ALK: variants seen among roughly 807,000 people sequenced by gnomAD.
The protein encoded by ALK is ALK tyrosine kinase receptor.
ALK carries 74 observed loss-of-function variants against 163.1 expected under a neutral mutation model. That is an observed-to-expected ratio of 0.45 (90% confidence interval 0.38 to 0.55). The LOEUF is 0.55. Ranked by LOEUF, ALK falls within the 20% of genes least tolerant of loss-of-function variation. The pLI is 0.00. For missense variants in ALK, 2,063 were observed against 2,105.3 expected (o/e 0.98, Z 0.39); for synonymous variants, 960 against 843.2 (o/e 1.14, Z -2.40).
intron 1 of ALK, among the ~76,000 whole-genome samples, chr2:29,914,395 C>G (rs946512338): frequency 2.0e-5 from 3 of 152,202 alleles, no homozygotes. Flanking sequence ...GAGATTACAA[C>G]TCCAGATGGC....
chr2:29,634,692 C>T (rs1385867867), intron 3 of ALK, among the ~76,000 whole-genome samples: 1 of 152,150 alleles, frequency 6.6e-6, no homozygotes, highest in East Asian at 1.9e-4. Flanking sequence ...AGACTGACTA[C>T]TTTCCTTCTG....
At chr2:29,489,137 C>T (rs530465027) in intron 4 of ALK, among the ~76,000 whole-genome samples, 98 of 152,270 alleles carry the variant, frequency 6.4e-4, no homozygotes, top group African/African-American at 1.9e-3. Context: ...TATATGTTTA[C>T]GTCTCATATT....
At chr2:29,818,773 T>C (rs1664966049) in intron 1 of ALK, among the ~76,000 whole-genome samples, 1 of 152,240 alleles carries the variant, frequency 6.6e-6, no homozygotes, top group African/African-American at 2.4e-5. Context: ...TGGGTGGGGC[T>C]GCAGAGATAT....
At chr2:29,262,617 C>A (rs941781586) in intron 11 of ALK, among the ~76,000 whole-genome samples, 2 of 152,246 alleles carry the variant, frequency 1.3e-5, no homozygotes, top group African/African-American at 4.8e-5. Context: ...TTTCTCTAGA[C>A]AGGCAGAGTG....
In ALK at chr2:29,527,305, C is replaced by T. The variant is rs749593649; in HGVS notation, c.1154+4610G>A. Among the ~76,000 whole-genome samples, 50 of 152,320 alleles carry T rather than the reference C, an allele frequency of 3.3e-4. 1 individual carries two copies. The Middle Eastern group carries it at 0.017, about 52-fold the overall frequency. On this transcript the variant is annotated intron_variant, in intron 4 of 28. Transcript: ENST00000389048. ...AGCTGGGATCTTTGGTCAGAACTGA[C>T]TGCCTTAAGTAAGCGCGGCAGCTGT...
intron 9 of ALK, among the ~76,000 whole-genome samples, chr2:29,279,861 G>A (rs1020394006): frequency 1.5e-4 from 23 of 152,334 alleles, no homozygotes; most frequent in South Asian, 4.2e-4. Context: ...TACTAGCTGG[G>A]CCACTTTGGG....
chr2:29,879,369 C>T (rs951409293), intron 1 of ALK, among the ~76,000 whole-genome samples: 2 of 152,200 alleles, frequency 1.3e-5, no homozygotes, highest in Non-Finnish European at 1.5e-5. Flanking sequence ...CACACTGCTT[C>T]CTCCATCAAA....
At chr2:29,813,696 G>T (rs140306172) in intron 1 of ALK, among the ~76,000 whole-genome samples, 2,094 of 152,198 alleles carry the variant, frequency 0.014, 45 homozygotes, top group African/African-American at 0.048. Context: ...ACCCGGACCC[G>T]ATGCTGAACT....
chr2:29,560,625 G>A (rs1673994233), intron 3 of ALK, among the ~76,000 whole-genome samples: 1 of 151,286 alleles, frequency 6.6e-6, no homozygotes, highest in African/African-American at 2.4e-5. Flanking sequence ...AGGCTGGAGT[G>A]CAGTGGCATA....
At chr2:29,369,923 A>G (rs1193303732) in intron 5 of ALK, among the ~76,000 whole-genome samples, 1 of 152,204 alleles carries the variant, frequency 6.6e-6, no homozygotes, top group Non-Finnish European at 1.5e-5. Context: ...AGAATGGAGA[A>G]AAAGGCCACA....
intron 3 of ALK, among the ~76,000 whole-genome samples, chr2:29,690,672 A>G (rs1400056705): frequency 2.0e-5 from 3 of 152,162 alleles, no homozygotes; most frequent in African/African-American, 7.2e-5. Flanking sequence ...ATCACTTTTT[A>G]TTATCTTGCT....
rs73920776 is a variant in ALK, at chr2:29,319,474, C to T, written c.1547-1070G>A. 9.3e-3 allele frequency among the ~76,000 whole-genome samples: 1,408 copies of T among 152,192 alleles called. 33 individuals carry two copies. Among genetic ancestry groups the T allele is most frequent in the African/African-American group, 0.031 (1,303 of 41,526 alleles). On this transcript the variant is annotated intron_variant, in intron 7 of 28. Transcript: ENST00000389048. ...ACAGAAAAGCCCTCATGCAGGCAGG[C>T]GGGTCACAATTGTTCCCTTCAGATT...
chr2:29,743,040 C>T (rs962168012), intron 1 of ALK, among the ~76,000 whole-genome samples: 3 of 152,234 alleles, frequency 2.0e-5, no homozygotes, highest in Non-Finnish European at 2.9e-5. Context: ...ACAATTCAAT[C>T]TCAGCAGCCT....
At chr2:29,574,995 G>A (rs1674483208) in intron 3 of ALK, among the ~76,000 whole-genome samples, 2 of 152,172 alleles carry the variant, frequency 1.3e-5, no homozygotes, top group Admixed American at 6.5e-5. Flanking sequence ...GGCACAACCA[G>A]CGGCACTCCA....
At chr2:29,253,107 C>T (rs1243446557) in intron 11 of ALK, among the ~76,000 whole-genome samples, 1 of 152,164 alleles carries the variant, frequency 6.6e-6, no homozygotes, top group Non-Finnish European at 1.5e-5. Flanking sequence ...ATCCTCCTGC[C>T]TCAGCCTCCC....
intron 1 of ALK, among the ~76,000 whole-genome samples, chr2:29,917,685 G>C (rs752213428): frequency 6.6e-6 from 1 of 152,214 alleles, no homozygotes; most frequent in African/African-American, 2.4e-5. Context: ...AGAGAAAGGA[G>C]AGACCAGGCT....
intron 11 of ALK, among the ~76,000 whole-genome samples, chr2:29,269,106 A>G (rs1286655462): frequency 1.3e-5 from 2 of 152,208 alleles, no homozygotes; most frequent in African/African-American, 4.8e-5. Flanking sequence ...AAAAGATGCT[A>G]TATTGCTTCC....
chr2:29,777,163 T>C (rs556047061), intron 1 of ALK, among the ~76,000 whole-genome samples: 64 of 152,374 alleles, frequency 4.2e-4, no homozygotes, highest in Non-Finnish European at 7.8e-4. Flanking sequence ...TAGCATTTGC[T>C]ATTTTAAAGC....
chr2:29,882,838 C>T (rs1029769083), intron 1 of ALK, among the ~76,000 whole-genome samples: 4 of 152,158 alleles, frequency 2.6e-5, no homozygotes, highest in South Asian at 2.1e-4. Flanking sequence ...ACAACAAATA[C>T]AACTTTTAGT....
Sources: allele counts gnomAD v4.1 joint callset (sites outside exome capture counted in the v4.1 genomes callset), GRCh38; gene constraint gnomAD v4.1.1; transcripts MANE v1.5; gene names NCBI Gene and HGNC (gene_info 2026-07-23, HGNC 2026-07-21).